Variants in ANKIB1 observed in about 807,000 individuals in gnomAD.
ANKIB1 encodes ankyrin repeat and IBR domain-containing protein 1.
ANKIB1 carries 43 observed loss-of-function variants against 122.1 expected under a neutral mutation model. The observed-to-expected ratio is 0.35, with a 90% CI of 0.28 to 0.45. The LOEUF (loss-of-function observed/expected upper bound fraction) is 0.45, where lower values mean the gene tolerates loss of function less well. Among genes scored for constraint, ANKIB1 ranks in the 20% least tolerant of loss-of-function variants. The pLI is 1.00. For synonymous variants in ANKIB1, 390 were observed against 442.0 expected (o/e 0.88, Z 1.48); for missense variants, 992 against 1,329.5 (o/e 0.75, Z 3.95).
rs1458186879 is a variant in ANKIB1 at position 92,350,833 on chromosome 7, AG to A, written c.1086-116del. 17 of 996,798 alleles carry A rather than the reference AG, an allele frequency of 1.7e-5. No homozygotes were observed. The African/African-American group carries it at 2.8e-4, about 16-fold the overall frequency. The allele number at this position is 996,798 out of a possible 1,614,324, so 61.7% of individuals were successfully genotyped here. The stretch of plus-strand genomic sequence containing the variant: ...GATCGTGCCACTGCACTCCAACCTG[AG>A]TGATGGAATGAGACCCTGTCTCTAA... On this transcript the variant is annotated intron_variant, in intron 7 of 19. Transcript: ENST00000265742.
chr7:92,382,184 G>C (rs1018086042), intron 11 of ANKIB1, among the ~76,000 whole-genome samples: 2 of 152,068 alleles, frequency 1.3e-5, no homozygotes, highest in Non-Finnish European at 2.9e-5. Context: ...AACAAGAAGA[G>C]CTAACTATCC....
Position 92,392,241 on chromosome 7 carries a change from C to T in ANKIB1, c.2232C>T (p.Ser744=). ...AATGGTATGTCTAATTTCTTTGTAG[C>T]TTTGCTGGTGGAACATGGGATTGGG... ...PADSPEAPRR[S]FAGGTWDWEY... Residue 744 remains serine, a splice_region_variant and synonymous_variant, in exon 17 of 20, where the codon AGC becomes AGT. Transcript: ENST00000265742. 3 of 1,609,806 alleles carry T rather than the reference C, an allele frequency of 1.9e-6. No homozygotes were observed. Among genetic ancestry groups the T allele is most frequent in the Non-Finnish European group, 2.5e-6 (3 of 1,177,534 alleles).
intron 1 of ANKIB1, among the ~76,000 whole-genome samples, chr7:92,258,428 C>G (rs1337186131): frequency 1.3e-5 from 2 of 152,186 alleles, no homozygotes; most frequent in Non-Finnish European, 2.9e-5. Flanking sequence ...GCCTCACCCC[C>G]CCAAATTTCT....
chr7:92,352,376 CT>C (rs1220870150), intron 8 of ANKIB1, 99 bp from the exon 9 acceptor site: 2 of 1,246,750 alleles, frequency 1.6e-6, no homozygotes, highest in African/African-American at 3.1e-5. Context: ...CACTCTTTTT[CT>C]TTCTTTGCTT....
At chr7:92,360,185 T>C (rs766979426) in intron 9 of ANKIB1, among the ~76,000 whole-genome samples, 2 of 152,144 alleles carry the variant, frequency 1.3e-5, no homozygotes, top group Non-Finnish European at 2.9e-5. Flanking sequence ...AACTTTTTCA[T>C]TATCCCAAGC....
intron 11 of ANKIB1, among the ~76,000 whole-genome samples, chr7:92,381,160 A>G (rs112804084): frequency 6.6e-6 from 1 of 152,228 alleles, no homozygotes; most frequent in African/African-American, 2.4e-5. Context: ...GATCAAATTA[A>G]TGAAATGACG....
At chr7:92,384,626 GA>G (rs979542674) in intron 11 of ANKIB1, among the ~76,000 whole-genome samples, 15 of 152,228 alleles carry the variant, frequency 9.9e-5, no homozygotes, top group African/African-American at 3.4e-4. Flanking sequence ...ACAAAAACAA[GA>G]AATGGGGAAA....
intron 5 of ANKIB1, among the ~76,000 whole-genome samples, chr7:92,333,132 C>T (rs1426384400): frequency 6.6e-6 from 1 of 152,314 alleles, no homozygotes; most frequent in East Asian, 1.9e-4. Context: ...GCTATCACCT[C>T]TCAACTACAC....
At chr7:92,394,641 A>G (rs1804849460) in intron 17 of ANKIB1, among the ~76,000 whole-genome samples, 1 of 152,194 alleles carries the variant, frequency 6.6e-6, no homozygotes. Flanking sequence ...TAAAATTTTC[A>G]CACCATCTTT....
At chr7:92,325,641 T>C (rs1461418923) in intron 4 of ANKIB1, among the ~76,000 whole-genome samples, 3 of 152,140 alleles carry the variant, frequency 2.0e-5, no homozygotes, top group African/African-American at 4.8e-5. Context: ...TCTTTTTTTT[T>C]TTTCTTTTAA....
At chr7:92,317,380 C>T (rs554127926) in intron 3 of ANKIB1, among the ~76,000 whole-genome samples, 1 of 152,138 alleles carries the variant, frequency 6.6e-6, no homozygotes, top group South Asian at 2.1e-4. Context: ...ACTACTGGTC[C>T]CCAGACCACA....
At chr7:92,293,591 A>G (rs1240977058) in intron 1 of ANKIB1, among the ~76,000 whole-genome samples, 2 of 152,124 alleles carry the variant, frequency 1.3e-5, no homozygotes, top group Non-Finnish European at 2.9e-5. Flanking sequence ...TCCTCCCTCT[A>G]TTCTATCTTC....
At chr7:92,275,887 G>A (rs1287108692) in intron 1 of ANKIB1, among the ~76,000 whole-genome samples, 2 of 152,014 alleles carry the variant, frequency 1.3e-5, no homozygotes, top group African/African-American at 2.4e-5. Context: ...GTCTCTTTGT[G>A]TACCTGTTAT....
chr7:92,326,032 G>A (rs1273200047), intron 4 of ANKIB1: 3 of 398,946 alleles, frequency 7.5e-6, no homozygotes, highest in East Asian at 7.1e-5. Context: ...AATCTGTCTT[G>A]CAGAAGAAAA....
intron 5 of ANKIB1, among the ~76,000 whole-genome samples, chr7:92,336,569 T>C (rs1484879539): frequency 6.6e-6 from 1 of 152,138 alleles, no homozygotes; most frequent in Non-Finnish European, 1.5e-5. Flanking sequence ...GTAGGCATTA[T>C]ATGTAGGCTT....
chr7:92,272,585 C>G (rs1034761913), intron 1 of ANKIB1, among the ~76,000 whole-genome samples: 31 of 152,218 alleles, frequency 2.0e-4, no homozygotes, highest in Admixed American at 1.8e-3. Context: ...AGTTGTACAG[C>G]AGGCCCATAG....
chr7:92,247,119 A>T (rs1023693333), intron 1 of ANKIB1, among the ~76,000 whole-genome samples: 4 of 152,182 alleles, frequency 2.6e-5, no homozygotes, highest in Admixed American at 2.6e-4. Flanking sequence ...TCTCCTGAGG[A>T]GATTTTGAGA....
At chr7:92,316,581 T>C (rs190229536) in intron 3 of ANKIB1, among the ~76,000 whole-genome samples, 196 of 152,326 alleles carry the variant, frequency 1.3e-3, no homozygotes, top group African/African-American at 4.4e-3. Flanking sequence ...AGCAATGAGA[T>C]ACAGGTCTTT....
chr7:92,274,773 T>C (rs903787315), intron 1 of ANKIB1, among the ~76,000 whole-genome samples: 1 of 152,016 alleles, frequency 6.6e-6, no homozygotes, highest in Non-Finnish European at 1.5e-5. Flanking sequence ...ATGCCCAGCC[T>C]GCAAAACCCT....
Sources: allele counts gnomAD v4.1 joint callset (sites outside exome capture counted in the v4.1 genomes callset), GRCh38; gene constraint gnomAD v4.1.1; transcripts MANE v1.5; gene names NCBI Gene and HGNC (gene_info 2026-07-23, HGNC 2026-07-21).